Variants in ANKFN1 observed in about 807,000 individuals in gnomAD.
ANKFN1 encodes ankyrin repeat and fibronectin type-III domain-containing protein 1.
A neutral mutation model predicts 108.7 loss-of-function variants in ANKFN1; 74 were observed. That is an observed-to-expected ratio of 0.68 (90% CI 0.56 to 0.83). The LOEUF is 0.83. ANKFN1 is among the 40% of genes least tolerant of loss of function. The pLI, the probability that ANKFN1 is intolerant of heterozygous loss-of-function variation, is 0.00. For missense variants in ANKFN1, 1,505 were observed against 1,382.3 expected, an observed-to-expected ratio of 1.09 and a Z score of -1.41; for synonymous variants, 547 against 516.2, an observed-to-expected ratio of 1.06 and a Z score of -0.81.
chr17:56,054,802 C>T (rs1904837503), intron 4 of ANKFN1, among the ~76,000 whole-genome samples: 1 of 152,158 alleles, frequency 6.6e-6, no homozygotes, highest in Non-Finnish European at 1.5e-5. Flanking sequence ...GGGAGGATCA[C>T]TTGAGCCTGG....
chr17:56,134,504 G>A lies in ANKFN1; in HGVS notation c.288+88179G>A, dbSNP rs538393021. 2.0e-5 allele frequency among the ~76,000 whole-genome samples: 3 copies of A among 152,198 alleles called. No homozygotes were observed. In the South Asian group the frequency reaches 6.2e-4, roughly 32 times the overall value. ...GAGTAACCTCAAAAGAACAAAAGAT[G>A]CTTCTGTCACCCAGGAAATTCCAAG... On this transcript the variant is annotated intron_variant, in intron 4 of 12. Coordinates refer to the ANKFN1 transcript ENST00000635860.
intron 14 of ANKFN1, 101 bp from the exon 15 acceptor site, chr17:56,466,254 CT>C (rs1380860036): frequency 9.4e-7 from 1 of 1,066,686 alleles, no homozygotes; most frequent in Non-Finnish European, 1.4e-6. Context: ...GAGCAAACAG[CT>C]TCTCAGAAAT....
intron 4 of ANKFN1, among the ~76,000 whole-genome samples, chr17:56,117,841 C>T (rs887568398): frequency 1.3e-5 from 2 of 152,126 alleles, no homozygotes; most frequent in Non-Finnish European, 2.9e-5. Context: ...AGAGCATCTT[C>T]ATCACCCCAA....
At chr17:56,152,077 C>T (rs1355400785), upstream of ANKFN1, among the ~76,000 whole-genome samples, 2 of 152,052 alleles carry the variant, frequency 1.3e-5, no homozygotes, top group East Asian at 3.9e-4. Flanking sequence ...TGATTATGTA[C>T]ACATGCAGCA....
At chr17:56,327,368 G>A (rs751553725) in intron 4 of ANKFN1, among the ~76,000 whole-genome samples, 1 of 152,066 alleles carries the variant, frequency 6.6e-6, no homozygotes. Flanking sequence ...GTCATATAGA[G>A]TTTAATGTCT....
At chr17:56,196,081 AC>A (rs1420169288) in intron 1 of ANKFN1, among the ~76,000 whole-genome samples, 10 of 152,282 alleles carry the variant, frequency 6.6e-5, no homozygotes, top group Non-Finnish European at 1.0e-4. Context: ...AGCCTGGACA[AC>A]ATGGCAAAAC....
intron 14 of ANKFN1, among the ~76,000 whole-genome samples, chr17:56,458,549 T>C (rs1029007097): frequency 4.6e-5 from 7 of 152,164 alleles, no homozygotes; most frequent in African/African-American, 1.4e-4. Flanking sequence ...CCTTCCATAT[T>C]CTCAGTCACA....
chr17:56,508,501 G>T (rs955908174), intron 20 of ANKFN1, among the ~76,000 whole-genome samples: 5 of 152,030 alleles, frequency 3.3e-5, no homozygotes, highest in Admixed American at 6.5e-5. Flanking sequence ...ATATCAAAAC[G>T]GGACTACTTG....
intron 4 of ANKFN1, among the ~76,000 whole-genome samples, chr17:56,146,706 A>AGGCACTG (rs1908279578): frequency 6.6e-6 from 1 of 152,156 alleles, no homozygotes; most frequent in South Asian, 2.1e-4. Flanking sequence ...TAAAGCAGGG[A>AGGCACTG]GGCCCTGGGC....
chr17:56,482,368 C>G lies in ANKFN1; in HGVS notation c.2104C>G (p.Arg702Gly). The G allele has an allele frequency of 1.9e-6, 3 of 1,601,966 alleles. No individual in the cohort carries two copies. The highest frequency in any genetic ancestry group is 2.6e-6 in the Non-Finnish European group (3 of 1,174,166). ...TGTCCCTCTGCAGGCAAGGAACTTC[C>G]GCCTCTACACACAGGAGGTGTTGGA... The part of the protein sequence containing the change: ...NIPLHQARNF[R>G]LYTQEVLEMG... Residue 702 changes from arginine to glycine, a missense_variant, in exon 18 of 21, where the codon CGC (arginine) becomes GGC (glycine). Arg to Gly is a moderately radical substitution (Grantham distance 125, BLOSUM62 -2). Transcript: ENST00000682825.
chr17:56,483,303 G>A (rs967507686), intron 18 of ANKFN1, among the ~76,000 whole-genome samples: 32 of 152,162 alleles, frequency 2.1e-4, no homozygotes, highest in Admixed American at 3.3e-4. Context: ...ATTAGCAAGA[G>A]TTCGGTCAGT....
At chr17:56,498,487 C>T (rs894269388) in intron 19 of ANKFN1, among the ~76,000 whole-genome samples, 3 of 152,144 alleles carry the variant, frequency 2.0e-5, no homozygotes, top group South Asian at 2.1e-4. Flanking sequence ...AAAGCACTTT[C>T]GAATTCATTA....
chr17:56,485,108 A>G, intron 18 of ANKFN1, among the ~76,000 whole-genome samples: 1 of 152,230 alleles, frequency 6.6e-6, no homozygotes, highest in East Asian at 1.9e-4. Flanking sequence ...ATAAATATTC[A>G]TTGAGTAACC....
intron 3 of ANKFN1, among the ~76,000 whole-genome samples, chr17:56,247,000 CA>C (rs1424644958): frequency 6.6e-6 from 1 of 152,166 alleles, no homozygotes; most frequent in African/African-American, 2.4e-5. Flanking sequence ...AAAAGAACAT[CA>C]AGCTGAAGTT....
intron 3 of ANKFN1, among the ~76,000 whole-genome samples, chr17:56,324,766 G>T (rs910294112): frequency 2.0e-5 from 3 of 152,228 alleles, no homozygotes; most frequent in African/African-American, 7.2e-5. Flanking sequence ...GATAGAAAGT[G>T]ATAGTAAATG....
At chr17:56,503,520 T>TATATATATATATAG (rs2051449965) in intron 20 of ANKFN1, among the ~76,000 whole-genome samples, 1 of 116,210 alleles carries the variant, frequency 8.6e-6, no homozygotes, top group African/African-American at 3.0e-5. Context: ...TATATATATA[T>TATATATATATATAG]ATATATATAG....
intron 4 of ANKFN1, among the ~76,000 whole-genome samples, chr17:56,076,935 T>A (rs1905188751): frequency 6.6e-6 from 1 of 152,222 alleles, no homozygotes; most frequent in African/African-American, 2.4e-5. Context: ...ATTTCTGGGA[T>A]ATCTCTAGGG....
chr17:56,489,913 G>C (rs1294196926), intron 18 of ANKFN1, among the ~76,000 whole-genome samples: 1 of 152,092 alleles, frequency 6.6e-6, no homozygotes, highest in Non-Finnish European at 1.5e-5. Context: ...ATTCCTTCCT[G>C]TGGAGCTGCC....
intron 4 of ANKFN1, among the ~76,000 whole-genome samples, chr17:56,069,443 G>A (rs370574329): frequency 2.0e-4 from 30 of 152,264 alleles, no homozygotes; most frequent in African/African-American, 5.8e-4. Flanking sequence ...AGTATTCCAG[G>A]AACAAGGTTT....
Sources: gnomAD v4.1 joint callset for allele counts (sites outside exome capture counted in the v4.1 genomes callset) on GRCh38, gnomAD v4.1.1 for gene constraint, MANE v1.5 for transcripts, NCBI Gene and HGNC (gene_info 2026-07-23, HGNC 2026-07-21) for gene names.